MELTF: variants seen among roughly 807,000 people sequenced by gnomAD.
The protein encoded by MELTF is antigen p97 (melanoma associated) identified by monoclonal antibodies 133.2 and 96.5.
MELTF carries 67 observed loss-of-function variants against 83.7 expected under a neutral mutation model. The ratio of observed to expected loss-of-function variants is 0.80; its 90% CI spans 0.66 to 0.98. MELTF has a LOEUF of 0.98. MELTF is among the 50% of genes least tolerant of loss of function. The probability of loss-of-function intolerance (pLI) is 0.00; values close to 1 mark genes in which losing one functional copy is unlikely to be tolerated. For missense variants in MELTF, 1,002 were observed against 1,035.6 expected (o/e 0.97, Z 0.44); for synonymous variants, 462 against 447.6 (o/e 1.03, Z -0.41).
At position 197,003,498 on chromosome 3, in the gene MELTF, G is replaced by T; in HGVS notation, c.2138-47C>A. 1.3e-6 allele frequency: 1 copy of T among 791,444 alleles called. No individual in the cohort carries two copies. Among genetic ancestry groups the T allele is most frequent in the South Asian group, 5.4e-5 (1 of 18,628 alleles). 49.0% of individuals were successfully genotyped at this position (791,444 alleles called of 1,614,324 possible). ...CAGGCCCCGAAGCCCGGGCCGCGGT[G>T]GCCGCCTCAGGCGCCCGCTCTGGGG... On this transcript the variant is annotated intron_variant, in intron 15 of 15. Coordinates refer to ENST00000296350, the MANE Select transcript of MELTF (RefSeq NM_005929.6). This position sits in a 1 kb window ranked among gnomAD's most constrained non-coding sequence, Gnocchi z 6.2.
chr3:197,003,377 G>C lies in MELTF; in HGVS notation c.2212C>G (p.Leu738Val). Residue 738 changes from leucine to valine, a missense_variant, in exon 16 of 16, where the codon CTC becomes GTC. Transcript: ENST00000296350. This position sits in a 1 kb window ranked among gnomAD's most constrained non-coding sequence, Gnocchi z 6.2. Reference sequence around the variant, plus strand: ...CTGGGGCGGGGCGGCCGGGCTCAGAGGGCGGGCGGGAGCAGGCGGGCGGCG... The same window carrying C: ...CTGGGGCGGGGCGGCCGGGCTCAGACGGCGGGCGGGAGCAGGCGGGCGGCG... ...ALAARLLPPAL is the reference protein window; with the variant it reads ...ALAARLLPPAV 9.3e-7 allele frequency: 1 copy of C among 1,081,042 alleles called. No individual in the cohort carries two copies. The highest frequency in any genetic ancestry group is 1.7e-5 in the African/African-American group (1 of 59,040). 67.0% of individuals were successfully genotyped at this position (1,081,042 alleles called of 1,614,324 possible).
chr3:197,017,866 A>G (rs146789887), intron 6 of MELTF, among the ~76,000 whole-genome samples: 2,686 of 152,164 alleles, frequency 0.018, 67 homozygotes, highest in African/African-American at 0.058. Flanking sequence ...GACAGAGCGA[A>G]ACTCTGTCTC....
At chr3:197,028,290 C>T (rs1017448799) in intron 1 of MELTF, 1 of 192,654 alleles carries the variant, frequency 5.2e-6, no homozygotes, top group African/African-American at 2.3e-5. Flanking sequence ...AGAGGGTGCT[C>T]GTGTAGGTTC....
rs757592448 is a variant in MELTF, at chr3:197,010,719, C to T, written c.1309G>A (p.Ala437Thr). 22 of 1,613,278 alleles carry T rather than the reference C, an allele frequency of 1.4e-5. No homozygotes were observed. Among genetic ancestry groups the T allele is most frequent in the Admixed American group, 3.3e-5 (2 of 60,032 alleles). The part of the protein sequence containing the change: ...TAGKTYGLVP[A>T]AGEHYAPEDS... ...TCACGGGCATAGTGCTCCCCGGCTG[C>T]GGGAACCAGGCCGTACGTCTTCCCC... Residue 437 changes from alanine to threonine, a missense_variant, in exon 10 of 16, where the codon GCA becomes ACA. Coordinates refer to ENST00000296350, the MANE Select transcript of MELTF (RefSeq NM_005929.6).
chr3:197,002,477 G>A lies in MELTF; in HGVS notation c.*895C>T. 6.6e-6 allele frequency: 1 copy of A among 152,218 alleles called. No homozygotes were observed. Among genetic ancestry groups the A allele is most frequent in the East Asian group, 1.9e-4 (1 of 5,180 alleles). The allele number at this position is 152,218 out of a possible 1,614,324, so 9.4% of individuals were successfully genotyped here. On this transcript the variant is annotated 3_prime_UTR_variant, in exon 16 of 16. Coordinates refer to ENST00000296350, the MANE Select transcript of MELTF (RefSeq NM_005929.6). ...GGGGTCCCCAGGCCCAGCGGGTGCG[G>A]GGCCGGGTGAGGAGACGGAGCTCAC...
rs760007226 is a variant in MELTF at position 197,006,679 on chromosome 3, C to T, written c.1808G>A (p.Cys603Tyr). The T allele has an allele frequency of 4.4e-6, 7 of 1,587,502 alleles. No individual in the cohort carries two copies. The highest frequency in any genetic ancestry group is 4.5e-5 in the East Asian group (2 of 44,594). ...CACCTCGGCTCGGGCCCCGTTGGGG[C>T]ACAGCAGTTCATAGTCCTCTGACCT... ...ELRSEDYELL[C>Y]PNGARAEVSQ... is the part of the protein sequence containing the mutation. Residue 603 changes from cysteine to tyrosine, a missense_variant, in exon 14 of 16, where the codon TGC becomes TAC. Transcript: ENST00000296350. This position sits in a 1 kb window ranked among gnomAD's most constrained non-coding sequence, Gnocchi z 5.4.
rs183526375 is a variant in MELTF, at chr3:197,005,778, T to C, written c.1938+771A>G. On this transcript the variant is annotated intron_variant, in intron 14 of 15. Transcript: ENST00000296350. ...CTTGACAAGAACAGCTTCAGGGCCC[T>C]GGTGGGAGCCTGTCTGGGGTAGTCT... Among the ~76,000 whole-genome samples the C allele has an allele frequency of 1.5e-4, 15 of 101,512 alleles. No homozygotes were observed. The East Asian group carries it at 4.1e-3, about 28-fold the overall frequency. The allele number at this position is 101,512 out of a possible 152,430, so 66.6% of individuals were successfully genotyped here.
rs754188148 is a variant in MELTF at position 197,017,228 on chromosome 3, C to T, written c.775G>A (p.Asp259Asn). The change falls in exon 7 of 16, where the codon GAT becomes AAT. Residue 259 changes from aspartate to asparagine, a missense_variant. By Grantham distance (23) the Asp-to-Asn change is conservative. Transcript: ENST00000296350. ...LSQDFELLCR[D>N]GSRADVTEWR... ...TCGGTGACATCGGCCCGGCTACCAT[C>T]CCGGCACAGCAGCTCGAAGTCCTGT... 26 of 1,594,124 alleles carry T rather than the reference C, an allele frequency of 1.6e-5. No individual in the cohort carries two copies. The highest frequency in any genetic ancestry group is 2.2e-5 in the Non-Finnish European group (26 of 1,171,734).
At chr3:197,020,181 C>T (rs1719563849) in intron 6 of MELTF, among the ~76,000 whole-genome samples, 1 of 152,152 alleles carries the variant, frequency 6.6e-6, no homozygotes, top group Admixed American at 6.5e-5. Flanking sequence ...ATGCCAATGT[C>T]ATAAAAACAA....
Position 197,023,056 on chromosome 3 carries a change from G to A in MELTF, c.545C>T (p.Ser182Phe). Residue 182 changes from serine (S) to phenylalanine (F), a missense_variant, in exon 5 of 16, where the codon TCT becomes TTT. Coordinates refer to ENST00000296350, the MANE Select transcript of MELTF (RefSeq NM_005929.6). ...CVPGAGETSY[S>F]ESLCRLCRGD... ...CCTGCAGAGGCGACAGAGGGACTCA[G>A]AGTAACTGGTCTCTCCTGCCCCCGG... is the stretch of plus-strand genomic sequence containing the variant. The A allele has an allele frequency of 6.2e-7, 1 of 1,613,860 alleles. No individual in the cohort carries two copies. Among genetic ancestry groups the A allele is most frequent in the Non-Finnish European group, 8.5e-7 (1 of 1,179,994 alleles).
At position 197,006,478 on chromosome 3, in the gene MELTF, C is replaced by T. The variant is rs1245663216; in HGVS notation, c.1938+71G>A. On this transcript the variant is annotated intron_variant, in intron 14 of 15. Transcript: ENST00000296350. This position sits in a 1 kb window ranked among gnomAD's most constrained non-coding sequence, Gnocchi z 5.4. ...TCTCTAGAGGTCTGCTCCAGGTAGACTGAGGCCTCCCAGGGGCTCAGCTTA... is the reference window on the plus strand; with the variant it reads ...TCTCTAGAGGTCTGCTCCAGGTAGATTGAGGCCTCCCAGGGGCTCAGCTTA... The T allele has an allele frequency of 7.0e-7, 1 of 1,425,338 alleles. No individual in the cohort carries two copies. Among genetic ancestry groups the T allele is most frequent in the Non-Finnish European group, 9.5e-7 (1 of 1,053,774 alleles). 88.3% of individuals were successfully genotyped at this position (1,425,338 alleles called of 1,614,324 possible). A position where few individuals can be genotyped will look rare whatever the true frequency, so the allele number is the denominator to read the frequency against.
At position 197,008,407 on chromosome 3, in the gene MELTF, C is replaced by T. The variant is rs549825681; in HGVS notation, c.1750+250G>A. Among the ~76,000 whole-genome samples the T allele has an allele frequency of 2.6e-5, 4 of 152,244 alleles. No individual in the cohort carries two copies. Among genetic ancestry groups the T allele is most frequent in the South Asian group, 4.1e-4 (2 of 4,828 alleles). On this transcript the variant is annotated intron_variant, in intron 13 of 15. Coordinates refer to ENST00000296350, the MANE Select transcript of MELTF (RefSeq NM_005929.6). This position sits in a 1 kb window ranked among gnomAD's most constrained non-coding sequence, Gnocchi z 5.4. ...GACTGGGATTGAGTTTCTACCGTTTCGGTGGATTAGGGACTTGAATTCCAG... is the reference window on the plus strand; with the variant it reads ...GACTGGGATTGAGTTTCTACCGTTTTGGTGGATTAGGGACTTGAATTCCAG...
At chr3:197,017,689 A>G (rs917525536) in intron 6 of MELTF, among the ~76,000 whole-genome samples, 7 of 152,080 alleles carry the variant, frequency 4.6e-5, no homozygotes, top group African/African-American at 1.7e-4. Context: ...CATCCTGGCT[A>G]ACACGGTGAA....
intron 1 of MELTF, 180 bp from the exon 2 acceptor site, chr3:197,028,090 T>A (rs1035981888): frequency 1.5e-6 from 1 of 679,810 alleles, no homozygotes. Flanking sequence ...CTGGTATTCC[T>A]GTGCTCAGGG....
intron 6 of MELTF, among the ~76,000 whole-genome samples, chr3:197,018,169 A>T (rs969741029): frequency 2.0e-5 from 3 of 151,908 alleles, no homozygotes; most frequent in Non-Finnish European, 4.4e-5. Context: ...TCTTTTTGAG[A>T]CGGAGTCTGG....
chr3:197,024,383 C>A lies in MELTF; in HGVS notation c.407G>T (p.Arg136Leu). Residue 136 changes from arginine (R) to leucine (L), a missense_variant, in exon 4 of 16, where the codon CGC becomes CTC. Transcript: ENST00000296350. This position sits in a 1 kb window ranked among gnomAD's most constrained non-coding sequence, Gnocchi z 5.3. ...GVKSCHTGINRTVGWNVPVGY... is the reference protein window; with the variant it reads ...GVKSCHTGINLTVGWNVPVGY... ...CACGGGCACGTTCCAGCCCACTGTGCGATTGATGCCCGTGTGGCAGGACTT... is the reference window on the plus strand; with the variant it reads ...CACGGGCACGTTCCAGCCCACTGTGAGATTGATGCCCGTGTGGCAGGACTT... 1 of 1,610,166 alleles carries A rather than the reference C, an allele frequency of 6.2e-7. No individual in the cohort carries two copies. Among genetic ancestry groups the A allele is most frequent in the Non-Finnish European group, 8.5e-7 (1 of 1,178,052 alleles).
At position 197,018,861 on chromosome 3, in the gene MELTF, G is replaced by C. The variant is rs565455576; in HGVS notation, c.713-1571C>G. On this transcript the variant is annotated intron_variant, in intron 6 of 15. Coordinates refer to ENST00000296350, the MANE Select transcript of MELTF (RefSeq NM_005929.6). The stretch of plus-strand genomic sequence containing the variant: ...CTTTCCATAAGTTCATTTGTTTCTC[G>C]ATAGAAAAGAAAATTTGCAAGAGTA... 4.0e-4 allele frequency: 358 copies of C among 885,490 alleles called. 3 individuals carry two copies. In the South Asian group the frequency reaches 0.016, roughly 40 times the overall value. 54.9% of individuals were successfully genotyped at this position (885,490 alleles called of 1,614,324 possible). A position where few individuals can be genotyped will look rare whatever the true frequency, so the allele number is the denominator to read the frequency against.
intron 6 of MELTF, 62 bp from the exon 7 acceptor site, chr3:197,017,352 AG>A: frequency 7.1e-7 from 1 of 1,410,884 alleles, no homozygotes; most frequent in South Asian, 1.5e-5. Context: ...GTGGCGGGGA[AG>A]GCCCAGGAGA....
intron 14 of MELTF, among the ~76,000 whole-genome samples, chr3:197,005,644 G>A (rs1368211786): frequency 1.3e-5 from 2 of 152,224 alleles, no homozygotes; most frequent in Admixed American, 6.5e-5. Flanking sequence ...CATCTGCAGG[G>A]GAAGGTGTTT....
Sources: allele counts gnomAD v4.1 joint callset (sites outside exome capture counted in the v4.1 genomes callset), GRCh38; gene constraint gnomAD v4.1.1; non-coding constraint Gnocchi (gnomAD v3.1); transcripts MANE v1.5; gene names NCBI Gene and HGNC (gene_info 2026-07-23, HGNC 2026-07-21).